EXOC4: variants seen among roughly 807,000 people sequenced by gnomAD.
EXOC4 encodes the protein exocyst complex component 4.
EXOC4 carries 71 observed loss-of-function variants against 107.2 expected under a neutral mutation model. The observed-to-expected ratio is 0.66, with a 90% CI of 0.55 to 0.81. The LOEUF (loss-of-function observed/expected upper bound fraction) is 0.81. Ranked by LOEUF, EXOC4 falls within the 30% of genes least tolerant of loss-of-function variation. The pLI is 0.00. For missense variants in EXOC4, 1,108 were observed against 1,189.6 expected (o/e 0.93, Z 1.01); for synonymous variants, 456 against 441.2 (o/e 1.03, Z -0.42).
intron 14 of EXOC4, among the ~76,000 whole-genome samples, chr7:133,977,416 G>A (rs1283090160): frequency 1.3e-5 from 2 of 152,094 alleles, no homozygotes; most frequent in Non-Finnish European, 2.9e-5. Context: ...AGTTTATGTA[G>A]CAAAAATAAT....
intron 17 of EXOC4, among the ~76,000 whole-genome samples, chr7:134,025,460 A>G (rs1342932713): frequency 6.6e-6 from 1 of 152,248 alleles, no homozygotes; most frequent in Non-Finnish European, 1.5e-5. Flanking sequence ...AACAACCATT[A>G]TATGAGTTCT....
intron 11 of EXOC4, among the ~76,000 whole-genome samples, chr7:133,853,323 GTCTC>G (rs113296842): frequency 1.9e-3 from 196 of 102,064 alleles, no homozygotes; most frequent in Middle Eastern, 0.011. Flanking sequence ...CTCTCTTTCT[GTCTC>G]TCTCTCTCTC....
chr7:133,603,807 G>A lies in EXOC4; in HGVS notation c.1418-26238G>A, dbSNP rs79266377. On this transcript the variant is annotated intron_variant, in intron 9 of 17. Coordinates refer to ENST00000253861, the MANE Select transcript of EXOC4 (RefSeq NM_021807.4). ...TTCTACTGTAGATGTTATGAATATC[G>A]TGCACTTAGGCTACACTTAATTTAT... is the stretch of plus-strand genomic sequence containing the variant. Among the ~76,000 whole-genome samples, 820 of 152,176 alleles carry A rather than the reference G, an allele frequency of 5.4e-3. 9 individuals are homozygous for A. Among genetic ancestry groups the A allele is most frequent in the African/African-American group, 0.018 (767 of 41,536 alleles).
intron 7 of EXOC4, among the ~76,000 whole-genome samples, chr7:133,404,276 TG>T (rs1797160764): frequency 6.6e-6 from 1 of 152,094 alleles, no homozygotes; most frequent in Admixed American, 6.6e-5. Context: ...ATTTTTTTTT[TG>T]TATTTTTAGT....
At chr7:133,681,598 T>C (rs1368730480) in intron 10 of EXOC4, among the ~76,000 whole-genome samples, 4 of 152,204 alleles carry the variant, frequency 2.6e-5, no homozygotes, top group Admixed American at 2.6e-4. Context: ...TTTGAAGGAC[T>C]TTGTAACACC....
At chr7:133,805,531 A>G (rs1193592488) in intron 10 of EXOC4, among the ~76,000 whole-genome samples, 1 of 152,218 alleles carries the variant, frequency 6.6e-6, no homozygotes, top group African/African-American at 2.4e-5. Context: ...GGGAAGACAG[A>G]TACCTCCATA....
chr7:133,717,070 TACA>T (rs1470962551), intron 10 of EXOC4, among the ~76,000 whole-genome samples: 4 of 152,236 alleles, frequency 2.6e-5, no homozygotes, highest in Admixed American at 6.5e-5. Context: ...CTTTCATAGT[TACA>T]TTTTTTAAAA....
chr7:133,928,236 A>G (rs1411651657), intron 13 of EXOC4, among the ~76,000 whole-genome samples: 1 of 152,202 alleles, frequency 6.6e-6, no homozygotes, highest in East Asian at 1.9e-4. Flanking sequence ...TGAGAAAGTC[A>G]GGCTGGCAGT....
chr7:133,651,641 T>C (rs1803155527), intron 10 of EXOC4, among the ~76,000 whole-genome samples: 1 of 152,166 alleles, frequency 6.6e-6, no homozygotes, highest in Non-Finnish European at 1.5e-5. Flanking sequence ...TTATCTGATA[T>C]TAGAGTTGCC....
intron 9 of EXOC4, among the ~76,000 whole-genome samples, chr7:133,573,079 A>G (rs1220068606): frequency 1.3e-5 from 2 of 152,216 alleles, no homozygotes; most frequent in Non-Finnish European, 2.9e-5. Flanking sequence ...TCTAAAACAA[A>G]CAAATAAAAG....
At chr7:133,757,427 CT>C (rs1190860588) in intron 10 of EXOC4, among the ~76,000 whole-genome samples, 1 of 152,212 alleles carries the variant, frequency 6.6e-6, no homozygotes, top group Non-Finnish European at 1.5e-5. Flanking sequence ...TATGCTTCAG[CT>C]TTGGAAGTGT....
At chr7:133,323,950 G>T (rs1675621639) in intron 5 of EXOC4, among the ~76,000 whole-genome samples, 1 of 152,174 alleles carries the variant, frequency 6.6e-6, no homozygotes, top group South Asian at 2.1e-4. Context: ...GAGGGTGTAT[G>T]TGTCAAGGAA....
intron 9 of EXOC4, among the ~76,000 whole-genome samples, chr7:133,481,921 AATG>A (rs997784444): frequency 2.0e-5 from 3 of 152,156 alleles, no homozygotes; most frequent in Admixed American, 1.3e-4. Context: ...AGTGAAAGGA[AATG>A]ATGATAACAG....
intron 1 of EXOC4, among the ~76,000 whole-genome samples, chr7:133,260,070 CA>C (rs1795109200): frequency 6.6e-6 from 1 of 152,034 alleles, no homozygotes; most frequent in Non-Finnish European, 1.5e-5. Context: ...TATCCATTTC[CA>C]ACACCACTTG....
chr7:133,535,793 C>T (rs1800260055), intron 9 of EXOC4, among the ~76,000 whole-genome samples: 1 of 152,164 alleles, frequency 6.6e-6, no homozygotes, highest in East Asian at 1.9e-4. Flanking sequence ...TAGTGGTACA[C>T]GTTTAAATAT....
intron 7 of EXOC4, among the ~76,000 whole-genome samples, chr7:133,467,413 TG>T (rs1798756471): frequency 6.6e-6 from 1 of 152,056 alleles, no homozygotes; most frequent in Non-Finnish European, 1.5e-5. Context: ...AGGATTTTCC[TG>T]ATCATTCATT....
At chr7:133,580,625 T>C (rs958570265) in intron 9 of EXOC4, among the ~76,000 whole-genome samples, 1 of 152,244 alleles carries the variant, frequency 6.6e-6, no homozygotes, top group Non-Finnish European at 1.5e-5. Context: ...CCTTTGACTC[T>C]TAAAACATTG....
intron 9 of EXOC4, among the ~76,000 whole-genome samples, chr7:133,503,862 T>G (rs1584963345): frequency 6.6e-6 from 1 of 152,022 alleles, no homozygotes; most frequent in Non-Finnish European, 1.5e-5. Context: ...AGGGAATCTG[T>G]GACACCCAGC....
At chr7:133,659,398 T>C (rs1803381727) in intron 10 of EXOC4, among the ~76,000 whole-genome samples, 1 of 152,112 alleles carries the variant, frequency 6.6e-6, no homozygotes, top group South Asian at 2.1e-4. Context: ...ACTGAGCAAA[T>C]ATATACTAAG....
Sources: gnomAD v4.1 joint callset for allele counts (sites outside exome capture counted in the v4.1 genomes callset) on GRCh38, gnomAD v4.1.1 for gene constraint, MANE v1.5 for transcripts, NCBI Gene and HGNC (gene_info 2026-07-23, HGNC 2026-07-21) for gene names.